Variants in TPTE observed in about 807,000 individuals in gnomAD.
TPTE encodes the protein transmembrane phosphatase with tensin homology.
A neutral mutation model predicts 84.1 loss-of-function variants in TPTE; 59 were observed. The ratio of observed to expected loss-of-function variants is 0.70; its 90% CI spans 0.57 to 0.87. The LOEUF (loss-of-function observed/expected upper bound fraction) is 0.87. TPTE is among the 40% of genes least tolerant of loss of function. The pLI, the probability that TPTE is intolerant of heterozygous loss-of-function variation, is 0.00. For missense variants in TPTE, 382 were observed against 659.6 expected (o/e 0.58, Z 4.61); for synonymous variants, 130 against 223.5 (o/e 0.58, Z 3.73).
At chr21:10,584,790 G>A (rs2075333002) in intron 17 of TPTE, among the ~76,000 whole-genome samples, 2 of 152,306 alleles carry the variant, frequency 1.3e-5, no homozygotes, top group South Asian at 2.1e-4. Context: ...ATTCAGTACA[G>A]TGTAGAATTA....
At chr21:10,548,302 A>G (rs2074508017) in intron 7 of TPTE, among the ~76,000 whole-genome samples, 1 of 152,310 alleles carries the variant, frequency 6.6e-6, no homozygotes, top group African/African-American at 2.4e-5. Context: ...CCAACTAAGC[A>G]GCTGTGCAAC....
intron 7 of TPTE, among the ~76,000 whole-genome samples, chr21:10,550,163 A>C (rs2074546138): frequency 6.6e-6 from 1 of 152,312 alleles, no homozygotes; most frequent in African/African-American, 2.4e-5. Context: ...GAAATGCCCA[A>C]GGGAGTCTTA....
intron 3 of TPTE, among the ~76,000 whole-genome samples, chr21:10,536,161 C>CCAGA (rs2074261968): frequency 2.0e-5 from 3 of 152,422 alleles, no homozygotes; most frequent in African/African-American, 7.2e-5. Flanking sequence ...GCCTGTAATC[C>CCAGA]CATCTACTCA....
At chr21:10,548,648 C>A (rs1223274489) in intron 7 of TPTE, among the ~76,000 whole-genome samples, 1 of 152,308 alleles carries the variant, frequency 6.6e-6, no homozygotes, top group African/African-American at 2.4e-5. Context: ...TGAGAAACAC[C>A]CCTCTTGGCC....
At position 10,568,022 on chromosome 21, in the gene TPTE, A is replaced by G. The variant is rs971706748; in HGVS notation, c.566+233A>G. ...AAGTACCATTAATGGAATAAAGAAG[A>G]TGCAGTACCCCAAAGAAGGACTTTT... is the stretch of plus-strand genomic sequence containing the variant. On this transcript the variant is annotated intron_variant, in intron 11 of 23. Transcript: ENST00000618007. Among the ~76,000 whole-genome samples, 161 of 152,180 alleles carry G rather than the reference A, an allele frequency of 1.1e-3. No individual in the cohort carries two copies. The highest frequency in any genetic ancestry group is 1.7e-3 in the Non-Finnish European group (117 of 67,922).
chr21:10,538,489 A>G (rs1188301719), intron 3 of TPTE, among the ~76,000 whole-genome samples, 192 bp from the exon 4 acceptor site: 2 of 152,312 alleles, frequency 1.3e-5, no homozygotes, highest in African/African-American at 4.8e-5. Flanking sequence ...TCCCCAGCCT[A>G]AGATGTTGGT....
At chr21:10,522,162 C>G (rs1478183834) in intron 1 of TPTE, among the ~76,000 whole-genome samples, 2 of 152,282 alleles carry the variant, frequency 1.3e-5, no homozygotes, top group East Asian at 3.8e-4. Context: ...CCAGGATGAC[C>G]TGAGTTCCCC....
chr21:10,604,958 C>T (rs1316832041), intron 23 of TPTE, among the ~76,000 whole-genome samples: 4 of 152,288 alleles, frequency 2.6e-5, no homozygotes, highest in African/African-American at 2.4e-5. Flanking sequence ...CAATTTATGC[C>T]TAGTGTTCCA....
intron 10 of TPTE, among the ~76,000 whole-genome samples, chr21:10,562,204 T>C (rs138322922): frequency 0.018 from 2,764 of 151,268 alleles, no homozygotes; most frequent in African/African-American, 0.065. Flanking sequence ...CTAAAGCAGA[T>C]AGAGATTAGA....
chr21:10,571,811 A>T (rs1413878309), intron 14 of TPTE, among the ~76,000 whole-genome samples: 1 of 152,308 alleles, frequency 6.6e-6, no homozygotes, highest in African/African-American at 2.4e-5. Context: ...GTTCAAGACA[A>T]GCCTGATTAA....
At chr21:10,555,507 C>A (rs147274400) in intron 8 of TPTE, among the ~76,000 whole-genome samples, 2,682 of 151,226 alleles carry the variant, frequency 0.018, no homozygotes, top group Non-Finnish European at 0.025. Flanking sequence ...CGCCTGGCCG[C>A]TATCTCTTTA....
chr21:10,601,707 G>C (rs184756520), intron 21 of TPTE, among the ~76,000 whole-genome samples: 160 of 150,930 alleles, frequency 1.1e-3, no homozygotes, highest in African/African-American at 3.8e-3. Flanking sequence ...TCAAAAATTA[G>C]CTGGGTATGA....
intron 17 of TPTE, among the ~76,000 whole-genome samples, chr21:10,583,629 G>C (rs2075307571): frequency 6.6e-6 from 1 of 152,310 alleles, no homozygotes; most frequent in South Asian, 2.1e-4. Context: ...TTGTGTTTTT[G>C]TGTCCTGATT....
At chr21:10,598,958 A>C (rs1350237026) in intron 21 of TPTE, among the ~76,000 whole-genome samples, 1 of 152,312 alleles carries the variant, frequency 6.6e-6, no homozygotes, top group African/African-American at 2.4e-5. Context: ...TTTACTCTTA[A>C]AGGATGACCC....
chr21:10,541,043 C>T (rs374074629), intron 4 of TPTE, 69 bp from the exon 5 acceptor site: 3 of 1,595,326 alleles, frequency 1.9e-6, no homozygotes, highest in African/African-American at 1.4e-5. Context: ...CATAGACTAA[C>T]TGTAGCTATT....
At chr21:10,569,848 T>A in intron 13 of TPTE, 102 bp downstream of exon 13, 1 of 1,610,366 alleles carries the variant, frequency 6.2e-7, no homozygotes, top group African/African-American at 1.3e-5. Flanking sequence ...AAAATATTCT[T>A]TATTCATGAG....
chr21:10,530,127 GT>G, intron 3 of TPTE, among the ~76,000 whole-genome samples: 1 of 152,310 alleles, frequency 6.6e-6, no homozygotes, highest in Non-Finnish European at 1.5e-5. Flanking sequence ...TAGCCCCTGT[GT>G]CCTTTTGACT....
At chr21:10,584,516 T>A (rs1312355167) in intron 17 of TPTE, among the ~76,000 whole-genome samples, 1 of 152,308 alleles carries the variant, frequency 6.6e-6, no homozygotes, top group Non-Finnish European at 1.5e-5. Context: ...TTTTTCATTT[T>A]TTTGTAGAGA....
intron 17 of TPTE, among the ~76,000 whole-genome samples, chr21:10,587,604 C>T (rs1264605345): frequency 7.2e-5 from 11 of 152,092 alleles, no homozygotes; most frequent in African/African-American, 2.7e-4. Context: ...TGCTGGAGTG[C>T]AATGGCGCAG....
Sources: gnomAD v4.1 joint callset for allele counts (sites outside exome capture counted in the v4.1 genomes callset) on GRCh38, gnomAD v4.1.1 for gene constraint, MANE v1.5 for transcripts, NCBI Gene and HGNC (gene_info 2026-07-23, HGNC 2026-07-21) for gene names.